TECPR2: variants seen among roughly 807,000 people sequenced by gnomAD.
The protein encoded by TECPR2 is tectonin beta-propeller repeat containing 2.
TECPR2 carries 65 observed loss-of-function variants against 138.1 expected under a neutral mutation model. The ratio of observed to expected loss-of-function variants is 0.47; its 90% CI spans 0.39 to 0.58. The LOEUF (loss-of-function observed/expected upper bound fraction) is 0.58. Among genes scored for constraint, TECPR2 ranks in the 20% least tolerant of loss-of-function variants. The probability of loss-of-function intolerance (pLI) is 0.00; values close to 1 mark genes in which losing one functional copy is unlikely to be tolerated. For missense variants in TECPR2, 1,553 were observed against 1,824.5 expected (o/e 0.85, Z 2.71); for synonymous variants, 746 against 749.8 (o/e 0.99, Z 0.08).
chr14:102,388,316 A>G (rs945750674), intron 2 of TECPR2, among the ~76,000 whole-genome samples: 1 of 152,230 alleles, frequency 6.6e-6, no homozygotes, highest in African/African-American at 2.4e-5. Context: ...AGGGAAAAAA[A>G]ATACATTTTA....
chr14:102,435,322 A>C, intron 9 of TECPR2, 111 bp downstream of exon 9: 1 of 1,433,746 alleles, frequency 7.0e-7, no homozygotes, highest in Non-Finnish European at 9.2e-7. Flanking sequence ...TTCCTACTGC[A>C]AAATCCGTAG....
chr14:102,495,480 C>T lies in TECPR2; in HGVS notation c.3790-1499C>T, dbSNP rs549712265. On this transcript the variant is annotated intron_variant, in intron 17 of 19. Transcript: ENST00000359520. ...GGGGAAGCGCTGTTCTAGGCTAAGC[C>T]CCCATTCCAGGGGGATGCAGGGACT... 5.9e-5 allele frequency among the ~76,000 whole-genome samples: 9 copies of T among 152,306 alleles called. No individual in the cohort carries two copies. The South Asian group carries it at 1.4e-3, about 25-fold the overall frequency.
chr14:102,390,086 A>C (rs1489215187), intron 2 of TECPR2, among the ~76,000 whole-genome samples: 47 of 152,234 alleles, frequency 3.1e-4, no homozygotes, highest in Admixed American at 3.1e-3. Context: ...ACTGAAGGTT[A>C]AGCTTTGACC....
At chr14:102,451,757 C>T (rs1198215116) in intron 15 of TECPR2, among the ~76,000 whole-genome samples, 2 of 152,198 alleles carry the variant, frequency 1.3e-5, no homozygotes, top group Non-Finnish European at 2.9e-5. Context: ...AAGATTTTAA[C>T]TGCCCTAAGG....
chr14:102,457,756 G>A (rs1461577103), intron 16 of TECPR2, among the ~76,000 whole-genome samples: 3 of 151,720 alleles, frequency 2.0e-5, no homozygotes, highest in African/African-American at 7.3e-5. Context: ...GGTGCACACA[G>A]CAATGAATGG....
rs1479071507 is a variant in TECPR2, at chr14:102,415,836, C to T, written c.638+1043C>T. On this transcript the variant is annotated intron_variant, in intron 5 of 19. Coordinates refer to ENST00000359520, the MANE Select transcript of TECPR2 (RefSeq NM_014844.5). The surrounding 1 kb of genome is among the most constrained non-coding windows in gnomAD (Gnocchi z 4.3). ...CATGTGGGGAGGGCTTGAGGCTGGCCCTGTGGAGAGTGACAGCAGGGACTG... is the reference window on the plus strand; with the variant it reads ...CATGTGGGGAGGGCTTGAGGCTGGCTCTGTGGAGAGTGACAGCAGGGACTG... Among the ~76,000 whole-genome samples, 1 of 152,072 alleles carries T rather than the reference C, an allele frequency of 6.6e-6. No individual in the cohort carries two copies. The highest frequency in any genetic ancestry group is 2.4e-5 in the African/African-American group (1 of 41,436).
At chr14:102,487,395 G>A (rs1017638277) in intron 17 of TECPR2, among the ~76,000 whole-genome samples, 3 of 152,192 alleles carry the variant, frequency 2.0e-5, no homozygotes, top group African/African-American at 7.2e-5. Flanking sequence ...TTTTCAGCCT[G>A]GGTTTACCAC....
chr14:102,401,933 A>G (rs1567325261), intron 2 of TECPR2, among the ~76,000 whole-genome samples: 1 of 152,190 alleles, frequency 6.6e-6, no homozygotes, highest in Non-Finnish European at 1.5e-5. Flanking sequence ...ACTATCAGAC[A>G]AAAAGAGTTA....
At chr14:102,437,031 T>G in intron 9 of TECPR2, 1 of 985,444 alleles carries the variant, frequency 1.0e-6, no homozygotes, top group African/African-American at 1.7e-5. Flanking sequence ...CCACTCCAGG[T>G]AGCTGGGAAG....
At chr14:102,493,079 C>T (rs1891192138) in intron 17 of TECPR2, among the ~76,000 whole-genome samples, 1 of 152,270 alleles carries the variant, frequency 6.6e-6, no homozygotes, top group African/African-American at 2.4e-5. Flanking sequence ...CCCTCAGAGA[C>T]TCCACTTTGG....
chr14:102,457,912 G>C (rs1466903127), intron 16 of TECPR2, among the ~76,000 whole-genome samples: 2 of 112,260 alleles, frequency 1.8e-5, no homozygotes. Flanking sequence ...TCACCATGTT[G>C]CCCAGGCTGG....
chr14:102,392,181 G>A (rs1888195603), intron 2 of TECPR2, among the ~76,000 whole-genome samples: 1 of 151,934 alleles, frequency 6.6e-6, no homozygotes, highest in African/African-American at 2.4e-5. Flanking sequence ...TAGTAGAGAC[G>A]GGGTTTCACT....
chr14:102,412,040 C>T (rs1054766058), intron 4 of TECPR2, among the ~76,000 whole-genome samples: 3 of 151,938 alleles, frequency 2.0e-5, no homozygotes, highest in Non-Finnish European at 4.4e-5. Flanking sequence ...TCTACTTTAC[C>T]CATGTTGGAT....
intron 17 of TECPR2, among the ~76,000 whole-genome samples, chr14:102,494,541 G>C (rs1891231861): frequency 6.6e-6 from 1 of 151,134 alleles, no homozygotes; most frequent in Admixed American, 6.6e-5. Context: ...AAAAAAACTA[G>C]CTCGGACGGG....
rs1284303637 is a variant in TECPR2 at position 102,435,122 on chromosome 14, A to G, written c.2305A>G (p.Thr769Ala). The change falls in exon 9 of 20, where the codon ACG (threonine) becomes GCG (alanine). Residue 769 changes from threonine to alanine, a missense_variant. By Grantham distance (58) the Thr-to-Ala change is moderately conservative. Coordinates refer to ENST00000359520, the MANE Select transcript of TECPR2 (RefSeq NM_014844.5). ...AHGLPSSSSE[T>A]SVTELGPSCS... ...CGGGCTTCCTTCTTCATCCTCAGAG[A>G]CGAGTGTGACAGAGCTCGGACCTAG... 1 of 1,613,462 alleles carries G rather than the reference A, an allele frequency of 6.2e-7. No homozygotes were observed. The highest frequency in any genetic ancestry group is 1.3e-5 in the African/African-American group (1 of 74,908).
At chr14:102,431,671 T>C (rs1889495637) in intron 7 of TECPR2, 125 bp from the exon 8 acceptor site, 1 of 996,762 alleles carries the variant, frequency 1.0e-6, no homozygotes, top group South Asian at 1.9e-5. Flanking sequence ...GAATTTAGAA[T>C]CATTCAGTTC....
chr14:102,441,578 T>C lies in TECPR2; in HGVS notation c.2752+969T>C, dbSNP rs1889833693. ...GGTGGCGCTTGCCTGTAATCCCAGC[T>C]ACTTGGGAGCCTGAGGCACAAGAAT... On this transcript the variant is annotated intron_variant, in intron 11 of 19. Coordinates refer to ENST00000359520, the MANE Select transcript of TECPR2 (RefSeq NM_014844.5). 2.6e-5 allele frequency among the ~76,000 whole-genome samples: 4 copies of C among 151,062 alleles called. No homozygotes were observed. In the South Asian group the frequency reaches 8.4e-4, roughly 32 times the overall value.
chr14:102,499,199 G>T lies in TECPR2; in HGVS notation c.*942G>T, dbSNP rs906121630. On this transcript the variant is annotated 3_prime_UTR_variant, in exon 20 of 20. Transcript: ENST00000359520. ...CGGCACAGGAGGGTGCATGGGGCGT[G>T]GGGGAGCTGAGCAAGGGTCGCTCAC... 4 of 700,304 alleles carry T rather than the reference G, an allele frequency of 5.7e-6. No individual in the cohort carries two copies. The highest frequency in any genetic ancestry group is 3.5e-5 in the African/African-American group (2 of 57,226). 43.4% of individuals were successfully genotyped at this position (700,304 alleles called of 1,614,324 possible).
In TECPR2 at chr14:102,376,636, G is replaced by C. The variant is rs531126641; in HGVS notation, c.-72-14G>C. 3 of 1,233,340 alleles carry C rather than the reference G, an allele frequency of 2.4e-6. No individual in the cohort carries two copies. Among genetic ancestry groups the C allele is most frequent in the South Asian group, 2.6e-5 (2 of 77,558 alleles). 76.4% of individuals were successfully genotyped at this position (1,233,340 alleles called of 1,614,324 possible). On this transcript the variant is annotated splice_polypyrimidine_tract_variant and intron_variant, in intron 1 of 19. Coordinates refer to ENST00000359520, the MANE Select transcript of TECPR2 (RefSeq NM_014844.5). ...GACTAGGCATTGAAAGGATTGTAAT[G>C]CTTTGTTCTGTAGCCCCCAGGTTTC...
Sources: allele counts gnomAD v4.1 joint callset (sites outside exome capture counted in the v4.1 genomes callset), GRCh38; gene constraint gnomAD v4.1.1; non-coding constraint Gnocchi (gnomAD v3.1); transcripts MANE v1.5; gene names NCBI Gene and HGNC (gene_info 2026-07-23, HGNC 2026-07-21).